DCAF8L2: variants seen among roughly 807,000 people sequenced by gnomAD.
DCAF8L2 encodes DDB1- and CUL4-associated factor 8-like protein 2.
For synonymous variants in DCAF8L2, 200 were observed against 190.9 expected, an observed-to-expected ratio of 1.05 and a Z score of -0.39; for missense variants, 430 against 490.7, an observed-to-expected ratio of 0.88 and a Z score of 1.17.
the DCAF8L2 span, among the ~76,000 whole-genome samples, chrX:27,546,634 T>C: frequency 8.9e-6 from 1 of 112,437 alleles, no homozygotes; most frequent in Admixed American, 9.4e-5. Context: ...CAAACCTCGA[T>C]TCTTGACTTT....
At chrX:27,702,287 T>C (rs1356272801) in intron 3 of DCAF8L2, among the ~76,000 whole-genome samples, 1 of 98,986 alleles carries the variant, frequency 1.0e-5, no homozygotes, top group Non-Finnish European at 2.0e-5. Context: ...GAAAGAAGAT[T>C]AATACCAATT....
At chrX:27,529,957 A>C in the DCAF8L2 span, among the ~76,000 whole-genome samples, 1 of 111,957 alleles carries the variant, frequency 8.9e-6, no homozygotes, top group Non-Finnish European at 1.9e-5. Context: ...GAATTTTGTT[A>C]AGCAAAAAAT....
Position 27,614,612 on chromosome X carries a change from A to G in DCAF8L2, c.-341-17267A>G, listed in dbSNP as rs746405556. Among the ~76,000 whole-genome samples the G allele has an allele frequency of 4.8e-3, 540 of 111,615 alleles. 1 individual carries two copies. Among genetic ancestry groups the G allele is most frequent in the Non-Finnish European group, 7.9e-3 (418 of 53,130 alleles). On this transcript the variant is annotated intron_variant, in intron 1 of 4. Coordinates refer to ENST00000451261, the MANE Select transcript of DCAF8L2 (RefSeq NM_001353450.2). ...TTTAGTGCTATAAATTTCCCTCTAC[A>G]CACTGCTTTAAATGTGTCCCAGAGA...
At chrX:27,496,972 G>A in the DCAF8L2 span, among the ~76,000 whole-genome samples, 3 of 112,165 alleles carry the variant, frequency 2.7e-5, no homozygotes, top group African/African-American at 9.7e-5. Flanking sequence ...TTTTCTGTAA[G>A]TTTCCATTTT....
intron 2 of DCAF8L2, among the ~76,000 whole-genome samples, chrX:27,643,486 T>C (rs1300276674): frequency 9.0e-6 from 1 of 111,209 alleles, no homozygotes; most frequent in Non-Finnish European, 1.9e-5. Flanking sequence ...CAGAAACCAA[T>C]AGAGACAGAT....
In DCAF8L2 at chrX:27,659,446, A is replaced by C. The variant is rs528526604; in HGVS notation, c.-219-18390A>C. Reference sequence around the variant, plus strand: ...AGAATTCACACACATGTTCATGTACATGCACATATTACCTCCTATCTCCAT... The same window carrying C: ...AGAATTCACACACATGTTCATGTACCTGCACATATTACCTCCTATCTCCAT... On this transcript the variant is annotated intron_variant, in intron 2 of 4. Transcript: ENST00000451261. 7.2e-4 allele frequency among the ~76,000 whole-genome samples: 80 copies of C among 111,828 alleles called. No individual in the cohort carries two copies. In the South Asian group the frequency reaches 0.029, roughly 41 times the overall value.
the DCAF8L2 span, among the ~76,000 whole-genome samples, chrX:27,523,116 A>C: frequency 8.9e-6 from 1 of 111,758 alleles, no homozygotes; most frequent in Admixed American, 9.6e-5. Context: ...TGAAATCATT[A>C]TTTTTCTAAT....
rs942643762 is a variant in DCAF8L2, at chrX:27,718,981, C to G, written c.-59+2810C>G. On this transcript the variant is annotated intron_variant, in intron 4 of 4. Coordinates refer to ENST00000451261, the MANE Select transcript of DCAF8L2 (RefSeq NM_001353450.2). ...CATAAAACAGGCACGCATATACACC[C>G]ACATATATCCTATTGCTTCTGTTTT... 6.3e-5 allele frequency among the ~76,000 whole-genome samples: 7 copies of G among 111,709 alleles called. No individual in the cohort carries two copies. The South Asian group carries it at 1.5e-3, about 24-fold the overall frequency.
At chrX:27,667,118 G>T (rs1320603934) in intron 2 of DCAF8L2, among the ~76,000 whole-genome samples, 2 of 106,774 alleles carry the variant, frequency 1.9e-5, no homozygotes, top group Admixed American at 1.0e-4. Flanking sequence ...TGTGGGGAGG[G>T]AGAGTAGAGA....
At chrX:27,703,730 G>A (rs1320864725) in intron 3 of DCAF8L2, among the ~76,000 whole-genome samples, 1 of 108,619 alleles carries the variant, frequency 9.2e-6, no homozygotes, top group Non-Finnish European at 1.9e-5. Context: ...AATTCAAAAT[G>A]CATCATACAC....
the DCAF8L2 span, among the ~76,000 whole-genome samples, chrX:27,554,229 C>T: frequency 8.9e-6 from 1 of 111,962 alleles, no homozygotes. Flanking sequence ...TGATCAATTA[C>T]CTATATAAAG....
At chrX:27,541,337 T>A in the DCAF8L2 span, among the ~76,000 whole-genome samples, 1 of 99,089 alleles carries the variant, frequency 1.0e-5, no homozygotes, top group Admixed American at 1.2e-4. Context: ...ATTTTTTTAT[T>A]TTTTATTTTA....
chrX:27,541,302 A>C, the DCAF8L2 span, among the ~76,000 whole-genome samples: 1 of 110,744 alleles, frequency 9.0e-6, no homozygotes, highest in African/African-American at 3.3e-5. Context: ...AGGCCTGTCT[A>C]TATATATTTT....
At chrX:27,654,527 A>G (rs1929276771) in intron 2 of DCAF8L2, among the ~76,000 whole-genome samples, 1 of 112,161 alleles carries the variant, frequency 8.9e-6, no homozygotes, top group Non-Finnish European at 1.9e-5. Flanking sequence ...GTCATAAATA[A>G]GTTCTCTATA....
intron 3 of DCAF8L2, among the ~76,000 whole-genome samples, chrX:27,684,572 A>G (rs898999672): frequency 1.8e-5 from 2 of 111,596 alleles, no homozygotes; most frequent in Admixed American, 9.6e-5. Context: ...TGAATATCAG[A>G]ACCATAAATA....
chrX:27,686,411 T>A (rs1930509413), intron 3 of DCAF8L2, among the ~76,000 whole-genome samples: 1 of 110,496 alleles, frequency 9.1e-6, no homozygotes, highest in Non-Finnish European at 1.9e-5. Flanking sequence ...ATAAAAAAAA[T>A]AAAATCCTTT....
the DCAF8L2 span, among the ~76,000 whole-genome samples, chrX:27,479,952 A>G: frequency 8.9e-6 from 1 of 111,949 alleles, no homozygotes; most frequent in Non-Finnish European, 1.9e-5. Flanking sequence ...CCAAAAAATC[A>G]ATGTAAAGTG....
intron 3 of DCAF8L2, among the ~76,000 whole-genome samples, chrX:27,682,118 C>T (rs939033289): frequency 8.1e-5 from 9 of 110,580 alleles, no homozygotes; most frequent in African/African-American, 1.3e-4. Context: ...CATGCACCAC[C>T]GTGCCAAACT....
the DCAF8L2 span, among the ~76,000 whole-genome samples, chrX:27,505,080 C>A: frequency 1.3e-4 from 14 of 111,699 alleles, no homozygotes; most frequent in Non-Finnish European, 2.4e-4. Flanking sequence ...TCTCCCAAGT[C>A]TTTTATTATA....
Sources: allele counts gnomAD v4.1 joint callset (sites outside exome capture counted in the v4.1 genomes callset), GRCh38; gene constraint gnomAD v4.1.1; transcripts MANE v1.5; gene names NCBI Gene and HGNC (gene_info 2026-07-23, HGNC 2026-07-21).